EYS: variants seen among roughly 807,000 people sequenced by gnomAD.
EYS encodes EGF-like photoreceptor maintenance factor.
Under a neutral mutation model 282.1 loss-of-function variants are expected in EYS, and 250 were observed. That is an observed-to-expected ratio of 0.89 (90% CI 0.80 to 0.98). The LOEUF is 0.98. Among genes scored for constraint, EYS ranks in the 50% least tolerant of loss-of-function variants. The probability of loss-of-function intolerance (pLI) is 0.00; values close to 1 mark genes in which losing one functional copy is unlikely to be tolerated. For synonymous variants in EYS, 1,355 were observed against 1,282.9 expected (o/e 1.06, Z -1.20); for missense variants, 4,016 against 3,709.0 (o/e 1.08, Z -2.15).
intron 8 of EYS, among the ~76,000 whole-genome samples, chr6:65,370,457 G>A (rs1168684361): frequency 6.6e-6 from 1 of 150,916 alleles, no homozygotes; most frequent in African/African-American, 2.4e-5. Context: ...ATCTCATGAT[G>A]TATTCCAGGC....
chr6:64,810,586 G>A (rs1243855886), intron 22 of EYS, among the ~76,000 whole-genome samples: 1 of 151,834 alleles, frequency 6.6e-6, no homozygotes, highest in African/African-American at 2.4e-5. Flanking sequence ...TACCTTTTTT[G>A]TTTATTTGTG....
chr6:64,526,154 A>G (rs1777911991), intron 26 of EYS, among the ~76,000 whole-genome samples: 1 of 151,884 alleles, frequency 6.6e-6, no homozygotes, highest in African/African-American at 2.4e-5. Flanking sequence ...GAAATCGAGA[A>G]CAGAATAGTG....
rs1368889881 is a variant in EYS, at chr6:65,255,050, CA to C, written c.2023+40812del. On this transcript the variant is annotated intron_variant, in intron 12 of 42. Transcript: ENST00000503581. ...ATAATCCTAAAATTTTATGGAAGCA[CA>C]AAAGACCCAGAATAGCCAAAGCCAT... 2.0e-5 allele frequency among the ~76,000 whole-genome samples: 3 copies of C among 151,666 alleles called. No homozygotes were observed. In the East Asian group the frequency reaches 5.8e-4, roughly 29 times the overall value.
intron 24 of EYS, among the ~76,000 whole-genome samples, chr6:64,614,100 C>A (rs188384225): frequency 6.6e-6 from 1 of 152,200 alleles, no homozygotes; most frequent in African/African-American, 2.4e-5. Flanking sequence ...CTCCCTACAC[C>A]TTACTGCCAT....
chr6:64,674,571 C>T (rs1328770864), intron 22 of EYS, among the ~76,000 whole-genome samples: 1 of 152,036 alleles, frequency 6.6e-6, no homozygotes, highest in Non-Finnish European at 1.5e-5. Flanking sequence ...TATCCAAATT[C>T]CTGCTGTCAT....
chr6:63,881,809 A>G (rs1192501190), intron 35 of EYS, among the ~76,000 whole-genome samples: 2 of 152,174 alleles, frequency 1.3e-5, no homozygotes, highest in Non-Finnish European at 2.9e-5. Flanking sequence ...CTTGGTTTAT[A>G]TTAGTTGTTT....
chr6:64,764,079 G>C (rs1773247769), intron 22 of EYS, among the ~76,000 whole-genome samples: 1 of 152,172 alleles, frequency 6.6e-6, no homozygotes, highest in African/African-American at 2.4e-5. Context: ...CAAGCTGTTG[G>C]TGGATCTACC....
chr6:65,311,142 C>T (rs187117921), intron 11 of EYS, among the ~76,000 whole-genome samples: 143 of 152,080 alleles, frequency 9.4e-4, no homozygotes, highest in East Asian at 7.9e-3. Flanking sequence ...GGCCGAGAAG[C>T]GATACGTATA....
At chr6:64,833,419 T>A (rs1052297413) in intron 19 of EYS, among the ~76,000 whole-genome samples, 21 of 151,872 alleles carry the variant, frequency 1.4e-4, no homozygotes, top group African/African-American at 5.1e-4. Flanking sequence ...GTAAAAATAT[T>A]GAAATGTTAA....
intron 33 of EYS, among the ~76,000 whole-genome samples, chr6:64,005,776 T>C (rs1257166697): frequency 1.3e-5 from 2 of 152,156 alleles, no homozygotes; most frequent in Admixed American, 1.3e-4. Context: ...CAGATAGTTG[T>C]AGGTGTATGG....
In EYS at chr6:65,540,603, G is replaced by A. The variant is rs78701728; in HGVS notation, c.-332-44610C>T. ...TGTGAGCACATACTTTTATATAGTAGGAAGCAATATTCTTTTAAAACTTAG... is the reference window on the plus strand; with the variant it reads ...TGTGAGCACATACTTTTATATAGTAAGAAGCAATATTCTTTTAAAACTTAG... On this transcript the variant is annotated intron_variant, in intron 2 of 42. Transcript: ENST00000503581. Among the ~76,000 whole-genome samples, 26 of 152,204 alleles carry A rather than the reference G, an allele frequency of 1.7e-4. No individual in the cohort carries two copies. The East Asian group carries it at 5.0e-3, about 29-fold the overall frequency.
At chr6:64,395,796 AAAAAAAAC>A (rs1773349430) in intron 28 of EYS, among the ~76,000 whole-genome samples, 1 of 151,914 alleles carries the variant, frequency 6.6e-6, no homozygotes, top group African/African-American at 2.4e-5. Flanking sequence ...AAAAAAAAGA[AAAAAAAAC>A]AAAAAAACAA....
chr6:64,632,667 T>C (rs1294208268), intron 22 of EYS, among the ~76,000 whole-genome samples: 1 of 2,234 alleles, frequency 4.5e-4, no homozygotes, highest in African/African-American at 5.3e-4. Context: ...ATTTTCTTTT[T>C]TAAAATGTTA....
At chr6:64,586,542 A>G (rs1766238601) in intron 26 of EYS, among the ~76,000 whole-genome samples, 1 of 152,088 alleles carries the variant, frequency 6.6e-6, no homozygotes, top group African/African-American at 2.4e-5. Context: ...GGAAATATTA[A>G]TAGATGCCAA....
At chr6:65,615,129 G>T (rs548012939) in intron 2 of EYS, among the ~76,000 whole-genome samples, 6 of 152,210 alleles carry the variant, frequency 3.9e-5, no homozygotes, top group Non-Finnish European at 5.9e-5. Flanking sequence ...CTGCAAGTAG[G>T]TTAATTGAAT....
chr6:65,534,785 G>T (rs1441644105), intron 2 of EYS, among the ~76,000 whole-genome samples: 1 of 152,032 alleles, frequency 6.6e-6, no homozygotes, highest in Non-Finnish European at 1.5e-5. Flanking sequence ...CTGCCTTTAA[G>T]TCTTTGCCAA....
chr6:64,137,207 A>G (rs1022534378), intron 31 of EYS, among the ~76,000 whole-genome samples: 45 of 152,164 alleles, frequency 3.0e-4, no homozygotes, highest in African/African-American at 1.0e-3. Context: ...TTCAGCCTTC[A>G]TAGAGTTGAA....
At chr6:65,491,723 T>A (rs2127267634) in intron 4 of EYS, 1 of 297,824 alleles carries the variant, frequency 3.4e-6, no homozygotes, top group Middle Eastern at 8.5e-4. Flanking sequence ...TTAGTGAGTT[T>A]TATGAGCTAA....
intron 8 of EYS, among the ~76,000 whole-genome samples, chr6:65,365,906 G>A (rs1764898762): frequency 1.3e-5 from 2 of 151,658 alleles, no homozygotes; most frequent in African/African-American, 4.8e-5. Flanking sequence ...TTTTAAATCA[G>A]TGTTTCTGTT....
Sources: allele counts gnomAD v4.1 joint callset (sites outside exome capture counted in the v4.1 genomes callset), GRCh38; gene constraint gnomAD v4.1.1; transcripts MANE v1.5; gene names NCBI Gene and HGNC (gene_info 2026-07-23, HGNC 2026-07-21).